FUT2: variants seen among roughly 807,000 people sequenced by gnomAD.
FUT2 encodes galactoside alpha-(1,2)-fucosyltransferase 2.
For missense variants in FUT2, 419 were observed against 465.8 expected, an observed-to-expected ratio of 0.90 and a Z score of 0.93; for synonymous variants, 182 against 193.1, an observed-to-expected ratio of 0.94 and a Z score of 0.48.
Position 48,698,104 on chromosome 19 carries a change from T to G in FUT2, c.-3+2015T>G, listed in dbSNP as rs1417592700. Among the ~76,000 whole-genome samples the G allele has an allele frequency of 2.0e-5, 3 of 150,834 alleles. No homozygotes were observed. In the East Asian group the frequency reaches 5.9e-4, roughly 30 times the overall value. On this transcript the variant is annotated intron_variant, in intron 1 of 1. Coordinates refer to ENST00000425340, the MANE Select transcript of FUT2 (RefSeq NM_000511.6). ...AACCTCTGGGGAGGTGTTGTTTTTATCCCTCCCCACAACCCCCTGTTGATG... is the reference window on the plus strand; with the variant it reads ...AACCTCTGGGGAGGTGTTGTTTTTAGCCCTCCCCACAACCCCCTGTTGATG...
chr19:48,702,860 C>A (rs2032539508), intron 1 of FUT2, 95 bp from the exon 2 acceptor site: 5 of 1,166,792 alleles, frequency 4.3e-6, no homozygotes, highest in South Asian at 3.7e-5. Context: ...ACACACACAC[C>A]CACACTATGC....
In FUT2 at chr19:48,705,626, T is replaced by C. The variant is rs1425484126; in HGVS notation, c.*1638T>C. On this transcript the variant is annotated 3_prime_UTR_variant, in exon 2 of 2. Coordinates refer to ENST00000425340, the MANE Select transcript of FUT2 (RefSeq NM_000511.6). ...GCGTTCCGTTCATTCTTTCAGTAAATGTTTGCAGCACATGTGTTACATGTC... is the reference window on the plus strand; with the variant it reads ...GCGTTCCGTTCATTCTTTCAGTAAACGTTTGCAGCACATGTGTTACATGTC... 1 of 167,074 alleles carries C rather than the reference T, an allele frequency of 6.0e-6. No individual in the cohort carries two copies. 10.3% of individuals were successfully genotyped at this position (167,074 alleles called of 1,614,324 possible).
chr19:48,703,723 C>A lies in FUT2; in HGVS notation c.767C>A (p.Ser256Tyr). The A allele has an allele frequency of 6.2e-7, 1 of 1,613,624 alleles. No individual in the cohort carries two copies. The highest frequency in any genetic ancestry group is 8.5e-7 in the Non-Finnish European group (1 of 1,180,026). The change falls in exon 2 of 2, where the codon TCC becomes TAC. Residue 256 changes from serine to tyrosine, a missense_variant. Transcript: ENST00000425340. ...MAWCRENIDT[S>Y]HGDVVFAGDG... Reference sequence around the variant, plus strand: ...TGGTGTCGGGAGAACATTGACACCTCCCACGGTGATGTGGTGTTTGCTGGC... The same window carrying A: ...TGGTGTCGGGAGAACATTGACACCTACCACGGTGATGTGGTGTTTGCTGGC...
chr19:48,697,206 G>A (rs1437821472), intron 1 of FUT2, among the ~76,000 whole-genome samples: 1 of 151,820 alleles, frequency 6.6e-6, no homozygotes, highest in African/African-American at 2.4e-5. Context: ...TTAGCCAGGC[G>A]TGGTGGTGCA....
Position 48,703,106 on chromosome 19 carries a change from A to C in FUT2, c.150A>C (p.Ser50=), listed in dbSNP as rs1568461841. Residue 50 remains serine, a synonymous_variant, in exon 2 of 2, where the codon TCA becomes TCC. Transcript: ENST00000425340. ...CGGTGCAGATACCAGTGCTAGCCTCAACATCAAAGGCACTGGGACCCAGCC... is the reference window on the plus strand; with the variant it reads ...CGGTGCAGATACCAGTGCTAGCCTCCACATCAAAGGCACTGGGACCCAGCC... The part of the protein sequence containing the change: ...ELPVQIPVLA[S]TSKALGPSQL... 3.1e-6 allele frequency: 5 copies of C among 1,613,472 alleles called. No individual in the cohort carries two copies. The highest frequency in any genetic ancestry group is 4.2e-6 in the Non-Finnish European group (5 of 1,180,016).
rs769561577 is a variant in FUT2, at chr19:48,703,358, G to A, written c.402G>A (p.Glu134=). 2.8e-5 allele frequency: 45 copies of A among 1,612,854 alleles called. No individual in the cohort carries two copies. The highest frequency in any genetic ancestry group is 3.6e-5 in the Non-Finnish European group (42 of 1,179,988). The change falls in exon 2 of 2, where the codon GAG becomes GAA. Residue 134 remains glutamate (E), a synonymous_variant. Transcript: ENST00000425340. ...ACTACCACCTGAACGACTGGATGGA[G>A]GAGGAATACCGCCACATCCCGGGGG... is the stretch of plus-strand genomic sequence containing the variant. The part of the protein sequence containing the change: ...WQNYHLNDWM[E]EEYRHIPGEY...
Position 48,703,653 on chromosome 19 carries a change from C to T in FUT2, c.697C>T (p.Arg233Cys), listed in dbSNP as rs768236330. The T allele has an allele frequency of 6.8e-6, 11 of 1,613,514 alleles. No homozygotes were observed. The highest frequency in any genetic ancestry group is 4.5e-5 in the East Asian group (2 of 44,896). ...GCAGGCCCTGGACTGGTTCCGAGCT[C>T]GCTACAGCTCCCTCATCTTCGTGGT... ...LQQALDWFRARYSSLIFVVTS... is the reference protein window; with the variant it reads ...LQQALDWFRACYSSLIFVVTS... The change falls in exon 2 of 2, where the codon CGC (arginine) becomes TGC (cysteine). Residue 233 changes from arginine to cysteine, a missense_variant. Arg to Cys is a radical substitution (Grantham distance 180). Coordinates refer to ENST00000425340, the MANE Select transcript of FUT2 (RefSeq NM_000511.6).
chr19:48,696,910 G>A (rs2032421446), intron 1 of FUT2, among the ~76,000 whole-genome samples: 1 of 152,082 alleles, frequency 6.6e-6, no homozygotes, highest in Non-Finnish European at 1.5e-5. Flanking sequence ...AAAGCCGGAG[G>A]GGTGTGCGGG....
At chr19:48,701,187 C>G (rs922253908) in intron 1 of FUT2, among the ~76,000 whole-genome samples, 1 of 151,816 alleles carries the variant, frequency 6.6e-6, no homozygotes, top group Non-Finnish European at 1.5e-5. Context: ...TGCTGTGTCC[C>G]CCAGGCTGGA....
In FUT2 at chr19:48,703,009, T is replaced by A. The variant is rs199933923; in HGVS notation, c.53T>A (p.Phe18Tyr). ...TTTCCCATGGCCCACTTCATCCTCT[T>A]TGTCTTTACGGTTTCCACTATATTT... ...FSFPMAHFIL[F>Y]VFTVSTIFHV... Residue 18 changes from phenylalanine (F) to tyrosine (Y), a missense_variant, in exon 2 of 2, where the codon TTT becomes TAT. Phe to Tyr is a conservative substitution (Grantham distance 22). Coordinates refer to ENST00000425340, the MANE Select transcript of FUT2 (RefSeq NM_000511.6). 11 of 1,613,058 alleles carry A rather than the reference T, an allele frequency of 6.8e-6. No individual in the cohort carries two copies. In the Middle Eastern group the frequency reaches 4.9e-4, roughly 73 times the overall value.
In FUT2 at chr19:48,703,933, T is replaced by A; in HGVS notation, c.977T>A (p.Phe326Tyr). Residue 326 changes from phenylalanine to tyrosine, a missense_variant, in exon 2 of 2, where the codon TTC becomes TAC. Phe to Tyr is a conservative substitution (Grantham distance 22). Transcript: ENST00000425340. Reference protein sequence around the residue: ...FLKIFKPEAAFLPEWTGIAAD... With the variant: ...FLKIFKPEAAYLPEWTGIAAD... The stretch of plus-strand genomic sequence containing the variant: ...AAAATCTTTAAGCCAGAGGCAGCCT[T>A]CCTGCCGGAGTGGACAGGGATTGCC... The A allele has an allele frequency of 6.2e-7, 1 of 1,613,560 alleles. No individual in the cohort carries two copies. Among genetic ancestry groups the A allele is most frequent in the Non-Finnish European group, 8.5e-7 (1 of 1,179,988 alleles).
At position 48,702,947 on chromosome 19, in the gene FUT2, CCT is replaced by C. The variant is rs1568461731; in HGVS notation, c.-2-7_-2-6del. ...CAGCTAACGTGTCCCGTTTTCCTCCCCTGACAGCCATGCTGGTCGTTCAGATG... is the reference window on the plus strand; with the variant it reads ...CAGCTAACGTGTCCCGTTTTCCTCCCGACAGCCATGCTGGTCGTTCAGATG... On this transcript the variant is annotated splice_polypyrimidine_tract_variant and splice_region_variant and intron_variant, in intron 1 of 1. Transcript: ENST00000425340. 3.1e-6 allele frequency: 5 copies of C among 1,613,062 alleles called. No individual in the cohort carries two copies. The African/African-American group carries it at 4.0e-5, about 13-fold the overall frequency.
rs1248700191 is a variant in FUT2, at chr19:48,704,059, C to G, written c.*71C>G. 7.3e-7 allele frequency: 1 copy of G among 1,369,182 alleles called. No homozygotes were observed. The highest frequency in any genetic ancestry group is 1.7e-5 in the Admixed American group (1 of 58,732). 84.8% of individuals were successfully genotyped at this position (1,369,182 alleles called of 1,614,324 possible). On this transcript the variant is annotated 3_prime_UTR_variant, in exon 2 of 2. Transcript: ENST00000425340. ...AAGATGAGTGCCCGGGCATGAGAAGCACATGGTTCCATGAGCAGGACCCAT... is the reference window on the plus strand; with the variant it reads ...AAGATGAGTGCCCGGGCATGAGAAGGACATGGTTCCATGAGCAGGACCCAT...
intron 1 of FUT2, chr19:48,696,594 C>T (rs1425608377): frequency 6.6e-6 from 1 of 152,254 alleles, no homozygotes; most frequent in Non-Finnish European, 1.5e-5. Flanking sequence ...CCTAATCCCG[C>T]TCTGAATCAC....
At chr19:48,697,309 C>A (rs889688312) in intron 1 of FUT2, among the ~76,000 whole-genome samples, 7 of 142,524 alleles carry the variant, frequency 4.9e-5, no homozygotes, top group Admixed American at 3.8e-4. Flanking sequence ...TGTGCCATTG[C>A]ACTCCAGCCT....
rs140411756 is a variant in FUT2, at chr19:48,704,421, C to CAAAAAAAAAAAA, written c.*442_*453dup. ...TGGGTGACACAGCAAGACTCCATCT[C>CAAAAAAAAAAAA]AAAAAAAAAAAAAAAAAAAAGAAAA... On this transcript the variant is annotated 3_prime_UTR_variant, in exon 2 of 2. Transcript: ENST00000425340. 12 of 109,314 alleles carry CAAAAAAAAAAAA rather than the reference C, an allele frequency of 1.1e-4. 1 individual carries two copies. Among genetic ancestry groups the CAAAAAAAAAAAA allele is most frequent in the South Asian group, 5.5e-4 (1 of 1,822 alleles). The allele number at this position is 109,314 out of a possible 1,614,324, so 6.8% of individuals were successfully genotyped here. A position where few individuals can be genotyped will look rare whatever the true frequency, so the allele number is the denominator to read the frequency against.
At chr19:48,701,222 C>G (rs1167153868) in intron 1 of FUT2, among the ~76,000 whole-genome samples, 1 of 152,012 alleles carries the variant, frequency 6.6e-6, no homozygotes, top group East Asian at 1.9e-4. Context: ...TCTTGGCTCA[C>G]TGCAGCCTCC....
chr19:48,696,675 C>A (rs1252614666), intron 1 of FUT2: 1 of 152,248 alleles, frequency 6.6e-6, no homozygotes, highest in Non-Finnish European at 1.5e-5. Context: ...GTCTGAAGCT[C>A]CCTTCTCCTC....
chr19:48,697,993 CTTTTTTTTTTTT>C (rs1023815002), intron 1 of FUT2, among the ~76,000 whole-genome samples: 1 of 88,132 alleles, frequency 1.1e-5, no homozygotes, highest in East Asian at 3.3e-4. Flanking sequence ...TGCACTGGCT[CTTTTTTTTTTTT>C]TTTTTTTTTT....
Sources: allele counts gnomAD v4.1 joint callset (sites outside exome capture counted in the v4.1 genomes callset), GRCh38; gene constraint gnomAD v4.1.1; transcripts MANE v1.5; gene names NCBI Gene and HGNC (gene_info 2026-07-23, HGNC 2026-07-21).